EFTUD2: variants seen among roughly 807,000 people sequenced by gnomAD.
EFTUD2 encodes 116 kDa U5 small nuclear ribonucleoprotein component.
Under a neutral mutation model 114.3 loss-of-function variants are expected in EFTUD2, and 9 were observed. The ratio of observed to expected loss-of-function variants is 0.08; its 90% CI spans 0.05 to 0.14. The LOEUF (loss-of-function observed/expected upper bound fraction) is 0.14. Ranked by LOEUF, EFTUD2 falls within the 10% of genes least tolerant of loss-of-function variation. The pLI, the probability that EFTUD2 is intolerant of heterozygous loss-of-function variation, is 1.00. For missense variants in EFTUD2, 765 were observed against 1,241.2 expected (o/e 0.62, Z 5.76); for synonymous variants, 449 against 462.3 (o/e 0.97, Z 0.37).
intron 13 of EFTUD2, among the ~76,000 whole-genome samples, chr17:44,865,843 A>C (rs969634145): frequency 3.9e-5 from 6 of 152,048 alleles, no homozygotes; most frequent in African/African-American, 1.4e-4. Flanking sequence ...ACAGGGTCTC[A>C]CTCTGTCACC....
At chr17:44,898,119 C>T (rs1390415449) in intron 1 of EFTUD2, among the ~76,000 whole-genome samples, 1 of 152,214 alleles carries the variant, frequency 6.6e-6, no homozygotes, top group East Asian at 1.9e-4. Context: ...GAAACTTTCA[C>T]ATGCATATTC....
chr17:44,876,592 C>A (rs2050954058), intron 9 of EFTUD2, among the ~76,000 whole-genome samples: 1 of 152,070 alleles, frequency 6.6e-6, no homozygotes, highest in Non-Finnish European at 1.5e-5. Context: ...GTGGCTCATG[C>A]CTGTAATTCC....
intron 9 of EFTUD2, among the ~76,000 whole-genome samples, chr17:44,877,870 G>A (rs1217621374): frequency 2.0e-5 from 3 of 151,390 alleles, no homozygotes; most frequent in Non-Finnish European, 2.9e-5. Flanking sequence ...GGTGGCTCAC[G>A]CCTGTAATCT....
Position 44,850,533 on chromosome 17 carries a change from G to GA in EFTUD2, c.*740dup, listed in dbSNP as rs2050428782. On this transcript the variant is annotated 3_prime_UTR_variant, in exon 28 of 28. Coordinates refer to ENST00000426333, the MANE Select transcript of EFTUD2 (RefSeq NM_004247.4). ...GAGTAAGGGACTGGTGGTAGCTGGGGAGAGGACTTGGAGTAAATGGCTGGA... is the reference window on the plus strand; with the variant it reads ...GAGTAAGGGACTGGTGGTAGCTGGGGAAGAGGACTTGGAGTAAATGGCTGGA... 3 of 630,752 alleles carry GA rather than the reference G, an allele frequency of 4.8e-6. No individual in the cohort carries two copies. Among genetic ancestry groups the GA allele is most frequent in the African/African-American group, 1.8e-5 (1 of 54,976 alleles). The allele number at this position is 630,752 out of a possible 1,614,324, so 39.1% of individuals were successfully genotyped here. A position where few individuals can be genotyped will look rare whatever the true frequency, so the allele number is the denominator to read the frequency against.
Position 44,862,745 on chromosome 17 carries a change from G to A in EFTUD2, c.1575C>T (p.Cys525=), listed in dbSNP as rs138058362. ...CAGAGATCCAAAGGCGGCCCACGGT[G>A]CATATCTGGGAGTCTTCCTCATCCT... The part of the protein sequence containing the change: ...TLEDEEDSQI[C]TVGRLWISVA... Residue 525 remains cysteine, a synonymous_variant, in exon 16 of 28, where the codon TGC becomes TGT. Coordinates refer to ENST00000426333, the MANE Select transcript of EFTUD2 (RefSeq NM_004247.4). The A allele has an allele frequency of 2.9e-4, 469 of 1,614,098 alleles. No individual in the cohort carries two copies. The African/African-American group carries it at 5.8e-3, about 20-fold the overall frequency.
intron 20 of EFTUD2, among the ~76,000 whole-genome samples, chr17:44,856,745 C>T (rs1437336072): frequency 6.9e-6 from 1 of 145,412 alleles, no homozygotes; most frequent in Non-Finnish European, 1.5e-5. Flanking sequence ...TGAGGCTGCA[C>T]TCCAGCCTGT....
chr17:44,859,236 C>T, intron 18 of EFTUD2, 55 bp from the exon 19 acceptor site: 1 of 1,301,648 alleles, frequency 7.7e-7, no homozygotes, highest in Non-Finnish European at 1.1e-6. Flanking sequence ...CAAAGGCACA[C>T]ACAAACAAAA....
At chr17:44,866,153 A>T (rs1437856946) in intron 13 of EFTUD2, among the ~76,000 whole-genome samples, 1 of 152,212 alleles carries the variant, frequency 6.6e-6, no homozygotes, top group Non-Finnish European at 1.5e-5. Flanking sequence ...GCTTAATTAA[A>T]TCCTTACCAT....
At chr17:44,894,210 AT>A (rs1001524306) in intron 2 of EFTUD2, 4 of 500,580 alleles carry the variant, frequency 8.0e-6, no homozygotes, top group African/African-American at 7.7e-5. Context: ...TCCACGAAAA[AT>A]AAAAAAAAAT....
chr17:44,894,104 G>A, intron 2 of EFTUD2: 1 of 240,628 alleles, frequency 4.2e-6, no homozygotes, highest in Non-Finnish European at 8.1e-6. Flanking sequence ...GGCTGGGCAT[G>A]GTGGCTCATG....
At position 44,894,406 on chromosome 17, in the gene EFTUD2, A is replaced by G. The variant is rs908907191; in HGVS notation, c.105+11T>C. 2 of 1,574,604 alleles carry G rather than the reference A, an allele frequency of 1.3e-6. No homozygotes were observed. Among genetic ancestry groups the G allele is most frequent in the Non-Finnish European group, 1.7e-6 (2 of 1,144,034 alleles). On this transcript the variant is annotated intron_variant, in intron 2 of 27. Coordinates refer to ENST00000426333, the MANE Select transcript of EFTUD2 (RefSeq NM_004247.4). ...TAAGAGTGAGATAAAAGAGCAATATATTTGTTTTACCTCATCAAGATCTTT... is the reference window on the plus strand; with the variant it reads ...TAAGAGTGAGATAAAAGAGCAATATGTTTGTTTTACCTCATCAAGATCTTT...
intron 16 of EFTUD2, among the ~76,000 whole-genome samples, chr17:44,862,388 T>C (rs569919392): frequency 1.3e-5 from 2 of 152,188 alleles, no homozygotes; most frequent in South Asian, 4.1e-4. Context: ...TGAGCTGAGA[T>C]TGTGCCACTG....
chr17:44,854,883 T>A lies in EFTUD2; in HGVS notation c.2132+35A>T. The A allele has an allele frequency of 6.2e-7, 1 of 1,606,042 alleles. No individual in the cohort carries two copies. Reference sequence around the variant, plus strand: ...GCAGTTAAACTGTGGCATCCCTGCCTCCTTTCGACCCTGGCGTCAGAGCCC... The same window carrying A: ...GCAGTTAAACTGTGGCATCCCTGCCACCTTTCGACCCTGGCGTCAGAGCCC... On this transcript the variant is annotated intron_variant, in intron 21 of 27. Transcript: ENST00000426333. The surrounding 1 kb of genome is among the most constrained non-coding windows in gnomAD (Gnocchi z 4.3).
At chr17:44,853,097 G>A (rs963099696) in intron 25 of EFTUD2, among the ~76,000 whole-genome samples, 199 bp downstream of exon 25, 1 of 152,110 alleles carries the variant, frequency 6.6e-6, no homozygotes, top group Admixed American at 6.5e-5. Flanking sequence ...AGCCAGGATG[G>A]AGAAATGTCA....
Position 44,882,966 on chromosome 17 carries a change from A to G in EFTUD2, c.492+127T>C, listed in dbSNP as rs1464861841. 5.0e-6 allele frequency: 4 copies of G among 799,684 alleles called. No homozygotes were observed. In the East Asian group the frequency reaches 1.1e-4, roughly 22 times the overall value. The allele number at this position is 799,684 out of a possible 1,614,324, so 49.5% of individuals were successfully genotyped here. ...TTACAGCCTATTAATAGAGATCACA[A>G]TTATAAAGCTGCACTTTGGAGGCGT... On this transcript the variant is annotated intron_variant, in intron 6 of 27. Coordinates refer to ENST00000426333, the MANE Select transcript of EFTUD2 (RefSeq NM_004247.4).
rs764108448 is a variant in EFTUD2 at position 44,880,630 on chromosome 17, G to A, written c.543C>T (p.Ile181=). ...AGACCACTGTCACAGGAGTGCTTTT[G>A]ATGCCTACACCTCTCTGAAAGGAAC... ...LFTEQERGVG[I]KSTPVTVVLP... is the part of the protein sequence containing the mutation. The change falls in exon 8 of 28, where the codon ATC becomes ATT. Residue 181 remains isoleucine (I), a synonymous_variant. Transcript: ENST00000426333. The A allele has an allele frequency of 2.0e-5, 33 of 1,613,392 alleles. No individual in the cohort carries two copies. Among genetic ancestry groups the A allele is most frequent in the Non-Finnish European group, 2.6e-5 (31 of 1,179,574 alleles).
At chr17:44,895,432 G>A (rs1055435266) in intron 1 of EFTUD2, among the ~76,000 whole-genome samples, 1 of 150,894 alleles carries the variant, frequency 6.6e-6, no homozygotes, top group African/African-American at 2.4e-5. Context: ...GGGGGTGGAG[G>A]TTGCAGTGAG....
Position 44,851,118 on chromosome 17 carries a change from G to A in EFTUD2, c.*156C>T. 1 of 654,872 alleles carries A rather than the reference G, an allele frequency of 1.5e-6. No homozygotes were observed. The highest frequency in any genetic ancestry group is 2.8e-6 in the Non-Finnish European group (1 of 363,062). 40.6% of individuals were successfully genotyped at this position (654,872 alleles called of 1,614,324 possible). On this transcript the variant is annotated 3_prime_UTR_variant, in exon 28 of 28. Transcript: ENST00000426333. ...AGGCCAAATGCTCCTCTCTCACTGG[G>A]GCTCTGGGTTGGAGGTTGGTGAGTT...
In EFTUD2 at chr17:44,865,269, G is replaced by C; in HGVS notation, c.1150-204C>G. The C allele has an allele frequency of 5.1e-6, 3 of 584,322 alleles. No homozygotes were observed. In the South Asian group the frequency reaches 7.6e-5, roughly 15 times the overall value. The allele number at this position is 584,322 out of a possible 1,614,324, so 36.2% of individuals were successfully genotyped here. A position where few individuals can be genotyped will look rare whatever the true frequency, so the allele number is the denominator to read the frequency against. ...TTCAAACCACAGGCAAAGCCAACTTGGTTACATCCCCATCCCAGCCAATAA... is the reference window on the plus strand; with the variant it reads ...TTCAAACCACAGGCAAAGCCAACTTCGTTACATCCCCATCCCAGCCAATAA... On this transcript the variant is annotated intron_variant, in intron 13 of 27. Transcript: ENST00000426333.
Sources: gnomAD v4.1 joint callset for allele counts (sites outside exome capture counted in the v4.1 genomes callset) on GRCh38, gnomAD v4.1.1 for gene constraint, Gnocchi (gnomAD v3.1) non-coding constraint, MANE v1.5 for transcripts, NCBI Gene and HGNC (gene_info 2026-07-23, HGNC 2026-07-21) for gene names.